Variants in CRPPA observed in about 807,000 individuals in gnomAD.
CRPPA encodes the protein CDP-L-ribitol pyrophosphorylase A.
Under a neutral mutation model 52.0 loss-of-function variants are expected in CRPPA, and 43 were observed. That is an observed-to-expected ratio of 0.83 (90% CI 0.65 to 1.07). The LOEUF (loss-of-function observed/expected upper bound fraction) is 1.07, where lower values mean the gene tolerates loss of function less well. Among genes scored for constraint, CRPPA ranks in the 50% least tolerant of loss-of-function variants. The pLI, the probability that CRPPA is intolerant of heterozygous loss-of-function variation, is 0.00. For synonymous variants in CRPPA, 250 were observed against 203.5 expected, an observed-to-expected ratio of 1.23 and a Z score of -1.94; for missense variants, 629 against 551.7, an observed-to-expected ratio of 1.14 and a Z score of -1.40.
chr7:16,376,282 C>A (rs1196105644), intron 2 of CRPPA, 41 bp from the exon 3 acceptor site: 3 of 1,547,908 alleles, frequency 1.9e-6, no homozygotes, highest in East Asian at 2.3e-5. Context: ...CACCTACAAG[C>A]CATTTTAAAG....
chr7:16,100,582 T>C (rs1782024319), intron 9 of CRPPA, among the ~76,000 whole-genome samples: 3 of 152,200 alleles, frequency 2.0e-5, no homozygotes, highest in African/African-American at 7.2e-5. Flanking sequence ...AAATATACAA[T>C]CATGTCATCT....
chr7:16,313,287 T>G (rs1042858422), intron 3 of CRPPA, among the ~76,000 whole-genome samples: 1 of 151,940 alleles, frequency 6.6e-6, no homozygotes, highest in African/African-American at 2.4e-5. Flanking sequence ...TCCTGTATGA[T>G]TTTGGGCTAT....
At chr7:16,233,687 A>G (rs1782867793) in intron 8 of CRPPA, among the ~76,000 whole-genome samples, 3 of 152,154 alleles carry the variant, frequency 2.0e-5, no homozygotes, top group Admixed American at 6.5e-5. Context: ...AGAGCAAGGG[A>G]GCATCTGTTT....
chr7:16,353,329 G>T (rs770249006), intron 3 of CRPPA, among the ~76,000 whole-genome samples: 3 of 151,956 alleles, frequency 2.0e-5, no homozygotes, highest in Non-Finnish European at 4.4e-5. Context: ...TCCAGCCTGG[G>T]TGGCAGAGCA....
intron 2 of CRPPA, among the ~76,000 whole-genome samples, chr7:16,397,127 C>T (rs75701177): frequency 0.022 from 3,404 of 152,350 alleles, 53 homozygotes; most frequent in Non-Finnish European, 0.036. Context: ...ACACAACTGA[C>T]AAGTTAGAGA....
chr7:16,159,970 C>T (rs935207949), intron 9 of CRPPA, among the ~76,000 whole-genome samples: 4 of 152,042 alleles, frequency 2.6e-5, no homozygotes, highest in Non-Finnish European at 5.9e-5. Context: ...GCTGCATAAC[C>T]GTCTTCTTTT....
chr7:16,353,327 G>A (rs1786208234), intron 3 of CRPPA, among the ~76,000 whole-genome samples: 1 of 152,130 alleles, frequency 6.6e-6, no homozygotes, highest in African/African-American at 2.4e-5. Context: ...ACTCCAGCCT[G>A]GGTGGCAGAG....
At chr7:16,400,960 C>T (rs1353928999) in intron 2 of CRPPA, among the ~76,000 whole-genome samples, 1 of 152,124 alleles carries the variant, frequency 6.6e-6, no homozygotes, top group Non-Finnish European at 1.5e-5. Context: ...GGTACACCAC[C>T]CTCCCAGCAC....
At chr7:16,099,541 G>A (rs116728399) in intron 9 of CRPPA, among the ~76,000 whole-genome samples, 1,643 of 151,842 alleles carry the variant, frequency 0.011, 36 homozygotes, top group African/African-American at 0.038. Flanking sequence ...GAAGGGAAAG[G>A]TTGGTCAATA....
chr7:16,396,974 G>C (rs1787595468), intron 2 of CRPPA, among the ~76,000 whole-genome samples: 1 of 152,074 alleles, frequency 6.6e-6, no homozygotes, highest in African/African-American at 2.4e-5. Flanking sequence ...GTGTGACACT[G>C]GTGACATGTG....
chr7:16,142,211 T>G (rs1479649815), intron 9 of CRPPA, among the ~76,000 whole-genome samples: 1 of 152,166 alleles, frequency 6.6e-6, no homozygotes, highest in Non-Finnish European at 1.5e-5. Context: ...TTTTCTTTAG[T>G]TTTAATTTTA....
At chr7:16,172,872 C>A (rs1486561195) in intron 9 of CRPPA, among the ~76,000 whole-genome samples, 1 of 152,154 alleles carries the variant, frequency 6.6e-6, no homozygotes, top group Non-Finnish European at 1.5e-5. Context: ...GAATGCCTTT[C>A]TCCCTAAGAA....
chr7:16,398,195 C>A (rs1787667447), intron 2 of CRPPA, among the ~76,000 whole-genome samples: 1 of 151,998 alleles, frequency 6.6e-6, no homozygotes, highest in South Asian at 2.1e-4. Flanking sequence ...GCCAACATGA[C>A]ACGTGATCAA....
intron 2 of CRPPA, among the ~76,000 whole-genome samples, chr7:16,377,244 G>A (rs1786915519): frequency 6.6e-6 from 1 of 152,016 alleles, no homozygotes; most frequent in African/African-American, 2.4e-5. Context: ...GCAGAAATTT[G>A]GAACCTAGGC....
intron 9 of CRPPA, among the ~76,000 whole-genome samples, chr7:16,096,290 C>T (rs1331008661): frequency 2.7e-5 from 4 of 150,432 alleles, no homozygotes; most frequent in Non-Finnish European, 5.9e-5. Context: ...AAAAAAAACA[C>T]CCATAATCAG....
chr7:16,418,809 G>T (rs1385618509), intron 1 of CRPPA, among the ~76,000 whole-genome samples: 1 of 152,126 alleles, frequency 6.6e-6, no homozygotes, highest in African/African-American at 2.4e-5. Context: ...TTTTTGGGTG[G>T]AGACACAGCC....
chr7:16,226,810 T>C (rs1396309704), intron 8 of CRPPA, among the ~76,000 whole-genome samples: 1 of 151,892 alleles, frequency 6.6e-6, no homozygotes, highest in East Asian at 1.9e-4. Flanking sequence ...ATCAGTTTTG[T>C]GGTAATATTT....
chr7:16,262,160 T>C (rs1299022911), intron 6 of CRPPA: 1 of 152,176 alleles, frequency 6.6e-6, no homozygotes, highest in East Asian at 1.9e-4. Flanking sequence ...TTAGATCAAA[T>C]AGAATTAGTT....
intron 8 of CRPPA, among the ~76,000 whole-genome samples, chr7:16,243,384 G>GT (rs1289310527): frequency 6.6e-6 from 1 of 151,976 alleles, no homozygotes; most frequent in East Asian, 1.9e-4. Context: ...ACAGATGATG[G>GT]TAAAAATCTG....
Sources: gnomAD v4.1 joint callset for allele counts (sites outside exome capture counted in the v4.1 genomes callset) on GRCh38, gnomAD v4.1.1 for gene constraint, MANE v1.5 for transcripts, NCBI Gene and HGNC (gene_info 2026-07-23, HGNC 2026-07-21) for gene names.